SDK2: variants seen among roughly 807,000 people sequenced by gnomAD.
SDK2 encodes the protein sidekick cell adhesion molecule 2.
In SDK2, 105 loss-of-function variants were observed where a neutral mutation model predicts 253.9. The observed-to-expected ratio is 0.41, with a 90% CI of 0.35 to 0.49. The LOEUF (loss-of-function observed/expected upper bound fraction) is 0.49, where lower values mean the gene tolerates loss of function less well. Among genes scored for constraint, SDK2 ranks in the 20% least tolerant of loss-of-function variants. SDK2 has a pLI of 0.06. For missense variants in SDK2, 2,608 were observed against 3,003.0 expected, an observed-to-expected ratio of 0.87 and a Z score of 3.07; for synonymous variants, 1,249 against 1,234.9, an observed-to-expected ratio of 1.01 and a Z score of -0.24.
chr17:73,416,636 C>A (rs765147650), intron 16 of SDK2, among the ~76,000 whole-genome samples: 4 of 152,140 alleles, frequency 2.6e-5, no homozygotes, highest in Non-Finnish European at 4.4e-5. Flanking sequence ...TTCACCCAGG[C>A]TGGAGTGCTA....
chr17:73,472,301 T>A, intron 2 of SDK2, 83 bp from the exon 3 acceptor site: 1 of 903,468 alleles, frequency 1.1e-6, no homozygotes, highest in Non-Finnish European at 1.8e-6. Context: ...AGGTCAGAGG[T>A]CGCCAGGTCA....
intron 18 of SDK2, among the ~76,000 whole-genome samples, chr17:73,403,863 C>T (rs561440395): frequency 3.3e-5 from 5 of 151,966 alleles, no homozygotes; most frequent in Non-Finnish European, 7.4e-5. Context: ...ATTATGTTGC[C>T]GAACTTCTTT....
intron 2 of SDK2, among the ~76,000 whole-genome samples, chr17:73,493,318 C>T (rs898999501): frequency 3.9e-5 from 6 of 152,208 alleles, no homozygotes; most frequent in African/African-American, 1.4e-4. Flanking sequence ...GAGCTTTCCT[C>T]GGGAGCCTTT....
rs1224635500 is a variant in SDK2, at chr17:73,534,801, C to T, written c.65-27204G>A. Among the ~76,000 whole-genome samples, 1 of 152,160 alleles carries T rather than the reference C, an allele frequency of 6.6e-6. No homozygotes were observed. Among genetic ancestry groups the T allele is most frequent in the African/African-American group, 2.4e-5 (1 of 41,430 alleles). Reference sequence around the variant, plus strand: ...AAGCGGCTTCTATTACCTAAACTCCCCTTCTTCTCAGTAGGCTGGGGGCAG... The same window carrying T: ...AAGCGGCTTCTATTACCTAAACTCCTCTTCTTCTCAGTAGGCTGGGGGCAG... On this transcript the variant is annotated intron_variant, in intron 1 of 44. Coordinates refer to ENST00000392650, the MANE Select transcript of SDK2 (RefSeq NM_001144952.2). This position sits in a 1 kb window ranked among gnomAD's most constrained non-coding sequence, Gnocchi z 4.9.
At chr17:73,450,733 G>A (rs554112566) in intron 4 of SDK2, among the ~76,000 whole-genome samples, 1 of 152,296 alleles carries the variant, frequency 6.6e-6, no homozygotes, top group East Asian at 1.9e-4. Flanking sequence ...TGCCCTCCAG[G>A]GATGACAATG....
At chr17:73,543,884 C>T (rs914075541) in intron 1 of SDK2, among the ~76,000 whole-genome samples, 5 of 152,214 alleles carry the variant, frequency 3.3e-5, no homozygotes, top group Non-Finnish European at 5.9e-5. Flanking sequence ...GGGTCCCAGA[C>T]ACTCATCACG....
At chr17:73,468,081 G>A (rs1252219079) in intron 3 of SDK2, among the ~76,000 whole-genome samples, 2 of 152,190 alleles carry the variant, frequency 1.3e-5, no homozygotes, top group Non-Finnish European at 2.9e-5. Context: ...GGGCTTTGAG[G>A]GGGCTGCTGG....
At chr17:73,424,465 G>A (rs555363406) in intron 12 of SDK2, among the ~76,000 whole-genome samples, 1 of 152,276 alleles carries the variant, frequency 6.6e-6, no homozygotes, top group Admixed American at 6.5e-5. Context: ...AGGAATGCAA[G>A]TTTCCTCATA....
chr17:73,636,680 CAAAAAAAAAA>C (rs561026344), intron 1 of SDK2, among the ~76,000 whole-genome samples: 15 of 50,988 alleles, frequency 2.9e-4, no homozygotes, highest in Non-Finnish European at 3.6e-4. Flanking sequence ...GACTCTGTCT[CAAAAAAAAAA>C]AAAAAAAAAA....
In SDK2 at chr17:73,338,556, A is replaced by G. The variant is rs188895227; in HGVS notation, c.*31T>C. On this transcript the variant is annotated 3_prime_UTR_variant, in exon 45 of 45. Coordinates refer to ENST00000392650, the MANE Select transcript of SDK2 (RefSeq NM_001144952.2). The surrounding 1 kb of genome is among the most constrained non-coding windows in gnomAD (Gnocchi z 5.0). ...AGGGGTGAAGGAGGAGTTTGGTGCC[A>G]TTTCTCTTTCTGCTTTTTCCTCTTC... The G allele has an allele frequency of 1.1e-3, 1,517 of 1,348,912 alleles. 5 individuals are homozygous for G. Among genetic ancestry groups the G allele is most frequent in the Non-Finnish European group, 1.4e-3 (1,388 of 995,352 alleles). 83.6% of individuals were successfully genotyped at this position (1,348,912 alleles called of 1,614,324 possible). A position where few individuals can be genotyped will look rare whatever the true frequency, so the allele number is the denominator to read the frequency against.
In SDK2 at chr17:73,609,326, T is replaced by G. The variant is rs2143113007; in HGVS notation, c.64+34699A>C. Among the ~76,000 whole-genome samples the G allele has an allele frequency of 6.6e-6, 1 of 151,780 alleles. No homozygotes were observed. Among genetic ancestry groups the G allele is most frequent in the East Asian group, 1.9e-4 (1 of 5,142 alleles). ...AAGGAGGAGAGAGCCCAGAACTGAG[T>G]CCAGAACGCCCTGACATCAGAGGCT... On this transcript the variant is annotated intron_variant, in intron 1 of 44. Transcript: ENST00000392650. The surrounding 1 kb of genome is among the most constrained non-coding windows in gnomAD (Gnocchi z 4.4).
At chr17:73,423,280 C>A (rs2063248637) in intron 14 of SDK2, 106 bp downstream of exon 14, 2 of 1,135,784 alleles carry the variant, frequency 1.8e-6, no homozygotes, top group Non-Finnish European at 1.1e-6. Context: ...AGGATCTGCT[C>A]AAAGGCCCAG....
intron 1 of SDK2, among the ~76,000 whole-genome samples, chr17:73,552,750 G>A (rs1022486717): frequency 6.6e-6 from 1 of 152,208 alleles, no homozygotes; most frequent in Non-Finnish European, 1.5e-5. Context: ...AATGGACCCC[G>A]CTGTAGGCTG....
chr17:73,354,351 A>C (rs2062567210), intron 40 of SDK2, among the ~76,000 whole-genome samples: 2 of 151,912 alleles, frequency 1.3e-5, no homozygotes, highest in South Asian at 4.2e-4. Flanking sequence ...GACATAATTC[A>C]CCTTCATGCT....
intron 1 of SDK2, among the ~76,000 whole-genome samples, chr17:73,552,865 G>A (rs762996281): frequency 6.6e-6 from 1 of 152,246 alleles, no homozygotes; most frequent in South Asian, 2.1e-4. Context: ...TCCTTGGCAA[G>A]TTCTCAACTC....
At chr17:73,491,227 G>GCA (rs1567803515) in intron 2 of SDK2, among the ~76,000 whole-genome samples, 3 of 152,102 alleles carry the variant, frequency 2.0e-5, no homozygotes, top group Non-Finnish European at 2.9e-5. Context: ...ACCCTGACAT[G>GCA]GCTCAACATA....
chr17:73,578,277 C>T (rs1352347335), intron 1 of SDK2, among the ~76,000 whole-genome samples: 1 of 152,122 alleles, frequency 6.6e-6, no homozygotes, highest in Non-Finnish European at 1.5e-5. Context: ...GTTGGGCAGA[C>T]TGGTCTCAAA....
Position 73,534,786 on chromosome 17 carries a change from T to A in SDK2, c.65-27189A>T, listed in dbSNP as rs957818966. Among the ~76,000 whole-genome samples the A allele has an allele frequency of 6.6e-6, 1 of 152,148 alleles. No individual in the cohort carries two copies. Among genetic ancestry groups the A allele is most frequent in the Non-Finnish European group, 1.5e-5 (1 of 68,030 alleles). On this transcript the variant is annotated intron_variant, in intron 1 of 44. Coordinates refer to ENST00000392650, the MANE Select transcript of SDK2 (RefSeq NM_001144952.2). The surrounding 1 kb of genome is among the most constrained non-coding windows in gnomAD (Gnocchi z 4.9). ...CTCTCATCTAGGGGAAAGCGGCTTC[T>A]ATTACCTAAACTCCCCTTCTTCTCA...
intron 1 of SDK2, among the ~76,000 whole-genome samples, chr17:73,608,267 T>C (rs975555049): frequency 1.3e-5 from 2 of 152,030 alleles, no homozygotes; most frequent in Non-Finnish European, 2.9e-5. Flanking sequence ...GTGTTTCTCA[T>C]GGTTAGACTG....
Sources: gnomAD v4.1 joint callset for allele counts (sites outside exome capture counted in the v4.1 genomes callset) on GRCh38, gnomAD v4.1.1 for gene constraint, Gnocchi (gnomAD v3.1) non-coding constraint, MANE v1.5 for transcripts, NCBI Gene and HGNC (gene_info 2026-07-23, HGNC 2026-07-21) for gene names.